TAOK3: variants seen among roughly 807,000 people sequenced by gnomAD.
TAOK3 encodes the protein TAO kinase 3, also known as serine/threonine-protein kinase TAO3.
Under a neutral mutation model 120.4 loss-of-function variants are expected in TAOK3, and 40 were observed. The ratio of observed to expected loss-of-function variants is 0.33; its 90% confidence interval spans 0.26 to 0.43. The LOEUF (loss-of-function observed/expected upper bound fraction) is 0.43, where lower values mean the gene tolerates loss of function less well. Ranked by LOEUF, TAOK3 falls within the 20% of genes least tolerant of loss-of-function variation. The probability of loss-of-function intolerance (pLI) is 1.00; values close to 1 mark genes in which losing one functional copy is unlikely to be tolerated. For synonymous variants in TAOK3, 355 were observed against 387.5 expected (o/e 0.92, Z 0.99); for missense variants, 821 against 1,112.1 (o/e 0.74, Z 3.72).
intron 1 of TAOK3, among the ~76,000 whole-genome samples, chr12:118,332,116 C>T (rs1311670319): frequency 3.3e-5 from 5 of 152,160 alleles, no homozygotes; most frequent in South Asian, 2.1e-4. Flanking sequence ...TGAGCCACCA[C>T]GCCCAGATAT....
chr12:118,243,418 A>G lies in TAOK3; in HGVS notation c.291T>C (p.Ala97=). 6.4e-7 allele frequency: 1 copy of G among 1,552,384 alleles called. No homozygotes were observed. The change falls in exon 5 of 21, where the codon GCT becomes GCC. Residue 97 remains alanine (A), a synonymous_variant. Transcript: ENST00000392533. ...TAATAGAGGTCCTTCGACTTACCCA[A>G]GCAGTGTGTTCTTTCAAGTAACAGC... ...YKGCYLKEHT[A]WLVMEYCLGS...
intron 1 of TAOK3, among the ~76,000 whole-genome samples, chr12:118,276,867 T>C (rs1475151798): frequency 6.6e-6 from 1 of 152,004 alleles, no homozygotes; most frequent in African/African-American, 2.4e-5. Context: ...TACCTGGGCA[T>C]GGTGGCTCAC....
chr12:118,246,252 G>T, intron 3 of TAOK3: 1 of 1,483,020 alleles, frequency 6.7e-7, no homozygotes, highest in Non-Finnish European at 9.3e-7. Flanking sequence ...CAAGGCCGAG[G>T]ATAAGGAGTG....
At chr12:118,227,050 A>C (rs1277175) in intron 9 of TAOK3, among the ~76,000 whole-genome samples, 71,685 of 151,508 alleles carry the variant, frequency 0.47, 17,732 homozygotes, top group Non-Finnish European at 0.54. Context: ...CAAATTTCGG[A>C]AAGATTTTGG....
At chr12:118,355,055 A>C (rs755632904) in intron 1 of TAOK3, among the ~76,000 whole-genome samples, 8 of 151,702 alleles carry the variant, frequency 5.3e-5, no homozygotes, top group Non-Finnish European at 8.8e-5. Flanking sequence ...GCAAAGTGAG[A>C]CTCTGTCCCA....
In TAOK3 at chr12:118,151,130, T is replaced by G; in HGVS notation, c.2564A>C (p.Lys855Thr). ...KIEEELAALQ[K>T]ERSERIKNLL... The stretch of plus-strand genomic sequence containing the variant: ...GTTCTTTATTCTCTCGCTGCGTTCC[T>G]TCTGAAGGGCAGCCAGCTCCTCTTC... The change falls in exon 21 of 21, where the codon AAG becomes ACG. Residue 855 changes from lysine (K) to threonine (T), a missense_variant. By Grantham distance (78) the Lys-to-Thr change is moderately conservative. Around this residue, in one of 2 missense-constraint regions of TAOK3, gnomAD observed 354 missense variants for 572.1 expected, o/e 0.62. Transcript: ENST00000392533. The G allele has an allele frequency of 6.2e-7, 1 of 1,613,606 alleles. No individual in the cohort carries two copies. Among genetic ancestry groups the G allele is most frequent in the Non-Finnish European group, 8.5e-7 (1 of 1,179,992 alleles).
chr12:118,263,001 T>C (rs761623457), intron 2 of TAOK3, among the ~76,000 whole-genome samples: 22 of 152,276 alleles, frequency 1.4e-4, no homozygotes, highest in Non-Finnish European at 2.8e-4. Context: ...TAATCTAAAA[T>C]TCATATGAGA....
chr12:118,206,706 CCT>C (rs1468411803), intron 11 of TAOK3, among the ~76,000 whole-genome samples: 3 of 152,062 alleles, frequency 2.0e-5, no homozygotes, highest in African/African-American at 4.8e-5. Flanking sequence ...AAGCAATTCC[CCT>C]GTTTCAGCCT....
Position 118,255,432 on chromosome 12 carries a change from T to C in TAOK3, c.120+16A>G. 1 of 1,613,698 alleles carries C rather than the reference T, an allele frequency of 6.2e-7. No homozygotes were observed. The highest frequency in any genetic ancestry group is 8.5e-7 in the Non-Finnish European group (1 of 1,179,840). The stretch of plus-strand genomic sequence containing the variant: ...TCTTAATCTGATCTATCTAAAAGAC[T>C]CTTTTAAGTACTTACAAAATAAACT... On this transcript the variant is annotated intron_variant, in intron 3 of 20. Coordinates refer to ENST00000392533, the MANE Select transcript of TAOK3 (RefSeq NM_016281.4).
chr12:118,192,756 CAG>C lies in TAOK3; in HGVS notation c.1195-2817_1195-2816del, dbSNP rs770812366. 3.3e-5 allele frequency among the ~76,000 whole-genome samples: 5 copies of C among 152,266 alleles called. No individual in the cohort carries two copies. In the South Asian group the frequency reaches 8.3e-4, roughly 25 times the overall value. Reference sequence around the variant, plus strand: ...GTAAGAGACCACTATACCTGGCTCCCAGAGTTTCTGAACTGCACACATCTTAA... The same window carrying C: ...GTAAGAGACCACTATACCTGGCTCCCAGTTTCTGAACTGCACACATCTTAA... On this transcript the variant is annotated intron_variant, in intron 13 of 20. Transcript: ENST00000392533.
chr12:118,195,858 G>A (rs531140927), intron 13 of TAOK3, among the ~76,000 whole-genome samples: 8 of 152,002 alleles, frequency 5.3e-5, no homozygotes, highest in Non-Finnish European at 1.2e-4. Flanking sequence ...AGACCATCCC[G>A]GCTAACACGG....
At chr12:118,243,770 G>A (rs985154527) in intron 4 of TAOK3, among the ~76,000 whole-genome samples, 5 of 152,002 alleles carry the variant, frequency 3.3e-5, no homozygotes, top group African/African-American at 9.7e-5. Context: ...TCTGCTGCCC[G>A]GTTCAAGGTT....
chr12:118,225,852 A>AT lies in TAOK3; in HGVS notation c.643+7821dup, dbSNP rs879943444. Among the ~76,000 whole-genome samples the AT allele has an allele frequency of 2.2e-3, 328 of 151,328 alleles. 7 individuals carry two copies. The highest frequency in any genetic ancestry group is 1.4e-3 in the East Asian group (7 of 5,164). On this transcript the variant is annotated intron_variant, in intron 9 of 20. Coordinates refer to ENST00000392533, the MANE Select transcript of TAOK3 (RefSeq NM_016281.4). ...CTGTCCATCGCCTCATATAGTTACT[A>AT]TTTTTTTTTGTTGTAGGAACATTTA...
intron 1 of TAOK3, among the ~76,000 whole-genome samples, chr12:118,365,812 T>G (rs2045727032): frequency 6.6e-6 from 1 of 152,204 alleles, no homozygotes; most frequent in Admixed American, 6.5e-5. Flanking sequence ...AAGAGAATTT[T>G]GCCAAGAGAT....
At chr12:118,159,798 T>G (rs921381956) in intron 19 of TAOK3, 16 of 327,854 alleles carry the variant, frequency 4.9e-5, no homozygotes, top group Non-Finnish European at 6.9e-5. Flanking sequence ...GCAGGGACTC[T>G]TATTCATTTG....
intron 1 of TAOK3, among the ~76,000 whole-genome samples, chr12:118,350,554 C>G (rs1185836216): frequency 6.6e-6 from 1 of 152,088 alleles, no homozygotes; most frequent in Non-Finnish European, 1.5e-5. Context: ...AATGACGGGT[C>G]TTCAGCTACA....
At chr12:118,308,287 T>G (rs1271272985) in intron 1 of TAOK3, among the ~76,000 whole-genome samples, 3 of 152,182 alleles carry the variant, frequency 2.0e-5, no homozygotes, top group Non-Finnish European at 4.4e-5. Context: ...AGACCCTTTG[T>G]TTAGCATATC....
At chr12:118,278,542 C>T (rs952496852) in intron 1 of TAOK3, among the ~76,000 whole-genome samples, 3 of 152,080 alleles carry the variant, frequency 2.0e-5, no homozygotes, top group African/African-American at 2.4e-5. Flanking sequence ...TCCAGTCCAC[C>T]GCTGATGGGC....
chr12:118,305,138 A>T (rs374396349), intron 1 of TAOK3, among the ~76,000 whole-genome samples: 5 of 152,202 alleles, frequency 3.3e-5, no homozygotes, highest in African/African-American at 1.2e-4. Flanking sequence ...TTAATAAGAT[A>T]GTGTATGTAA....
Sources: allele counts gnomAD v4.1 joint callset (sites outside exome capture counted in the v4.1 genomes callset), GRCh38; gene constraint gnomAD v4.1.1; regional missense constraint gnomAD v4.1.1; transcripts MANE v1.5; gene names NCBI Gene and HGNC (gene_info 2026-07-23, HGNC 2026-07-21).